The following ELAPOR1 variants were observed in gnomAD, a reference collection of about 807,000 sequenced individuals.
The protein encoded by ELAPOR1 is endosome/lysosome-associated apoptosis and autophagy regulator 1.
ELAPOR1 carries 77 observed loss-of-function variants against 119.7 expected under a neutral mutation model. That is an observed-to-expected ratio of 0.64 (90% CI 0.54 to 0.78). The LOEUF (loss-of-function observed/expected upper bound fraction) is 0.78. Among genes scored for constraint, ELAPOR1 ranks in the 30% least tolerant of loss-of-function variants. The probability of loss-of-function intolerance (pLI) is 0.00; values close to 1 mark genes in which losing one functional copy is unlikely to be tolerated. For missense variants in ELAPOR1, 1,115 were observed against 1,270.4 expected (o/e 0.88, Z 1.86); for synonymous variants, 481 against 487.2 (o/e 0.99, Z 0.17).
At chr1:109,148,394 C>T (rs1454351953) in intron 1 of ELAPOR1, among the ~76,000 whole-genome samples, 1 of 152,138 alleles carries the variant, frequency 6.6e-6, no homozygotes, top group Non-Finnish European at 1.5e-5. Context: ...CCACCTCAGC[C>T]TCCCAAAGTG....
Position 109,188,231 on chromosome 1 carries a change from G to A in ELAPOR1, c.1096G>A (p.Gly366Arg). The stretch of plus-strand genomic sequence containing the variant: ...GAAAATCTGTAGCGAGGACCTTGAG[G>A]GGGCAGTGAAGCTGCCTGCCTCTGG... ...KPKICSEDLE[G>R]AVKLPASGVK... The change falls in exon 9 of 22, where the codon GGG (glycine) becomes AGG (arginine). Residue 366 changes from glycine to arginine, a missense_variant. By Grantham distance (125) the Gly-to-Arg change is moderately radical. Coordinates refer to ENST00000369939, the MANE Select transcript of ELAPOR1 (RefSeq NM_020775.5). 1 of 1,613,942 alleles carries A rather than the reference G, an allele frequency of 6.2e-7. No homozygotes were observed.
chr1:109,139,180 G>A (rs1244548385), intron 1 of ELAPOR1, among the ~76,000 whole-genome samples: 6 of 151,628 alleles, frequency 4.0e-5, no homozygotes, highest in Admixed American at 2.0e-4. Flanking sequence ...GCAATACCCC[G>A]TCTCTACTAA....
At chr1:109,143,326 C>A (rs1269996077) in intron 1 of ELAPOR1, among the ~76,000 whole-genome samples, 1 of 152,108 alleles carries the variant, frequency 6.6e-6, no homozygotes, top group South Asian at 2.1e-4. Context: ...CACTTGAAAG[C>A]ATTATGCCAA....
chr1:109,163,052 C>G lies in ELAPOR1; in HGVS notation c.274+1038C>G, dbSNP rs1295733357. Among the ~76,000 whole-genome samples, 4 of 152,242 alleles carry G rather than the reference C, an allele frequency of 2.6e-5. No individual in the cohort carries two copies. The East Asian group carries it at 7.7e-4, about 29-fold the overall frequency. ...TGAGCCAGCCATCCCCAGAGGAGCG[C>G]AGAGCCTAGTGGGTGGCAGACATAT... On this transcript the variant is annotated intron_variant, in intron 2 of 21. Coordinates refer to ENST00000369939, the MANE Select transcript of ELAPOR1 (RefSeq NM_020775.5).
intron 1 of ELAPOR1, among the ~76,000 whole-genome samples, chr1:109,161,133 C>G (rs903072945): frequency 6.6e-6 from 1 of 151,928 alleles, no homozygotes; most frequent in African/African-American, 2.4e-5. Flanking sequence ...GAAATAGGGC[C>G]AGGCGTGGTG....
intron 3 of ELAPOR1, among the ~76,000 whole-genome samples, chr1:109,169,209 T>C (rs749639208): frequency 2.0e-5 from 3 of 152,184 alleles, no homozygotes; most frequent in Non-Finnish European, 2.9e-5. Flanking sequence ...GGGGGAAATC[T>C]GTGGACTAAT....
intron 14 of ELAPOR1, among the ~76,000 whole-genome samples, chr1:109,193,750 C>T (rs1653595810): frequency 6.6e-6 from 1 of 152,196 alleles, no homozygotes; most frequent in Non-Finnish European, 1.5e-5. Context: ...TTGCCTAGTT[C>T]ATCTGTGCAA....
intron 2 of ELAPOR1, among the ~76,000 whole-genome samples, chr1:109,162,686 G>A (rs1651335586): frequency 2.0e-5 from 3 of 152,264 alleles, no homozygotes. Context: ...TTGGAAAGGA[G>A]TTTGAAGATA....
intron 13 of ELAPOR1, 109 bp from the exon 14 acceptor site, chr1:109,192,502 C>T: frequency 8.5e-7 from 1 of 1,171,432 alleles, no homozygotes. Flanking sequence ...TCAGATTCTT[C>T]TTAAGTATCA....
Position 109,198,621 on chromosome 1 carries a change from C to T in ELAPOR1, c.2448C>T (p.Ile816=). The T allele has an allele frequency of 9.3e-6, 15 of 1,614,028 alleles. No homozygotes were observed. Among genetic ancestry groups the T allele is most frequent in the Non-Finnish European group, 1.2e-5 (14 of 1,179,976 alleles). ...QSCSSGRSTT[I]RVRCSPQKTV... The stretch of plus-strand genomic sequence containing the variant: ...GCAGTTCTGGGAGATCAACCACCAT[C>T]CGCGTCAGGTGCAGTCCACAGAAAA... Residue 816 remains isoleucine (I), a synonymous_variant, in exon 18 of 22, where the codon ATC becomes ATT. Coordinates refer to ENST00000369939, the MANE Select transcript of ELAPOR1 (RefSeq NM_020775.5).
rs769975575 is a variant in ELAPOR1 at position 109,114,150 on chromosome 1, T to A, written c.-34T>A. 6.6e-7 allele frequency: 1 copy of A among 1,511,696 alleles called. No individual in the cohort carries two copies. The highest frequency in any genetic ancestry group is 2.6e-5 in the East Asian group (1 of 38,976). The allele number at this position is 1,511,696 out of a possible 1,614,324, so 93.6% of individuals were successfully genotyped here. On this transcript the variant is annotated 5_prime_UTR_variant, in exon 1 of 22. Coordinates refer to ENST00000369939, the MANE Select transcript of ELAPOR1 (RefSeq NM_020775.5). ...CAGCAGAAGCAGCAGCCGCAGCACC[T>A]GAGCCGCTACTGCCGCTCACTCAGG...
intron 8 of ELAPOR1, chr1:109,187,280 G>A (rs1570710579): frequency 1.0e-6 from 1 of 985,472 alleles, no homozygotes; most frequent in Non-Finnish European, 1.2e-6. Context: ...ACTCACAGGA[G>A]GCAGGTGAGG....
At chr1:109,124,099 G>A (rs944388047) in intron 1 of ELAPOR1, among the ~76,000 whole-genome samples, 25 of 152,162 alleles carry the variant, frequency 1.6e-4, no homozygotes, top group Non-Finnish European at 1.5e-5. Context: ...ACCATGTCTG[G>A]CCATAAATAT....
intron 1 of ELAPOR1, among the ~76,000 whole-genome samples, chr1:109,137,892 C>G (rs1649579105): frequency 6.6e-6 from 1 of 152,204 alleles, no homozygotes; most frequent in Non-Finnish European, 1.5e-5. Flanking sequence ...TAAAGGGACA[C>G]AAGAAAGATC....
intron 1 of ELAPOR1, among the ~76,000 whole-genome samples, chr1:109,155,560 A>G (rs1013643086): frequency 6.6e-5 from 10 of 152,170 alleles, no homozygotes; most frequent in South Asian, 2.1e-4. Flanking sequence ...CCTGAGCTAT[A>G]TAAACATTTT....
intron 1 of ELAPOR1, among the ~76,000 whole-genome samples, chr1:109,119,248 A>G (rs373807697): frequency 1.3e-5 from 2 of 148,986 alleles, no homozygotes; most frequent in South Asian, 4.3e-4. Context: ...GAAGGCTGGA[A>G]TGTGGTGGTG....
At chr1:109,198,990 C>T (rs1418843643) in intron 18 of ELAPOR1, among the ~76,000 whole-genome samples, 3 of 152,210 alleles carry the variant, frequency 2.0e-5, no homozygotes, top group Non-Finnish European at 2.9e-5. Flanking sequence ...GGATGCATTT[C>T]TTACCTTCTT....
intron 14 of ELAPOR1, 59 bp from the exon 15 acceptor site, chr1:109,194,362 C>A: frequency 2.0e-6 from 3 of 1,504,262 alleles, no homozygotes; most frequent in Non-Finnish European, 1.8e-6. Flanking sequence ...CTACTCTTGG[C>A]TGCAGGCCCT....
rs907736644 is a variant in ELAPOR1 at position 109,138,960 on chromosome 1, G to A, written c.154-22934G>A. ...GGTAATCAATTTTAAAAGTATAAGG[G>A]GTACAGAATGAAGCGTAAGTATCCC... On this transcript the variant is annotated intron_variant, in intron 1 of 21. Coordinates refer to ENST00000369939, the MANE Select transcript of ELAPOR1 (RefSeq NM_020775.5). Among the ~76,000 whole-genome samples, 6 of 152,020 alleles carry A rather than the reference G, an allele frequency of 3.9e-5. No homozygotes were observed. The South Asian group carries it at 1.2e-3, about 32-fold the overall frequency.
Sources: allele counts gnomAD v4.1 joint callset (sites outside exome capture counted in the v4.1 genomes callset), GRCh38; gene constraint gnomAD v4.1.1; transcripts MANE v1.5; gene names NCBI Gene and HGNC (gene_info 2026-07-23, HGNC 2026-07-21).